The following VPS72 variants were observed in gnomAD, a reference collection of about 807,000 sequenced individuals.
VPS72 encodes vacuolar protein sorting-associated protein 72 homolog.
Under a neutral mutation model 38.9 loss-of-function variants are expected in VPS72, and 27 were observed. The observed-to-expected ratio is 0.69, with a 90% CI of 0.51 to 0.96. The LOEUF is 0.96. Among genes scored for constraint, VPS72 ranks in the 40% least tolerant of loss-of-function variants. The pLI is 0.00. For synonymous variants in VPS72, 173 were observed against 186.3 expected, an observed-to-expected ratio of 0.93 and a Z score of 0.58; for missense variants, 360 against 479.5, an observed-to-expected ratio of 0.75 and a Z score of 2.33.
chr1:151,180,783 C>T (rs587728646), intron 4 of VPS72, among the ~76,000 whole-genome samples: 1 of 152,308 alleles, frequency 6.6e-6, no homozygotes, highest in African/African-American at 2.4e-5. Flanking sequence ...GGAACTCGTG[C>T]TCTGTAATCT....
At chr1:151,187,540 A>G (rs916667743) in intron 1 of VPS72, among the ~76,000 whole-genome samples, 3 of 152,232 alleles carry the variant, frequency 2.0e-5, no homozygotes, top group South Asian at 4.1e-4. Context: ...ACATACTTGC[A>G]CTAAATTAAG....
At chr1:151,178,693 A>C (rs1684171094) in intron 4 of VPS72, among the ~76,000 whole-genome samples, 2 of 150,812 alleles carry the variant, frequency 1.3e-5, no homozygotes, top group South Asian at 4.1e-4. Context: ...GTCGCTCTTA[A>C]ACAACAAGAA....
chr1:151,187,882 T>C (rs992132937), intron 1 of VPS72, among the ~76,000 whole-genome samples: 6 of 152,208 alleles, frequency 3.9e-5, no homozygotes, highest in Non-Finnish European at 8.8e-5. Flanking sequence ...TTGTTTATAT[T>C]GTAAGCCTCC....
chr1:151,188,458 G>A (rs1356657318), intron 1 of VPS72, among the ~76,000 whole-genome samples: 4 of 152,054 alleles, frequency 2.6e-5, no homozygotes, highest in Middle Eastern at 3.2e-3. Context: ...AAATTTCATC[G>A]TGGAATTCTG....
intron 1 of VPS72, among the ~76,000 whole-genome samples, chr1:151,188,104 G>A (rs1463148908): frequency 2.0e-5 from 3 of 151,256 alleles, no homozygotes; most frequent in Non-Finnish European, 4.4e-5. Flanking sequence ...GGGCAGTGGC[G>A]CAATCCACTG....
At chr1:151,179,749 A>T (rs1342632714) in intron 4 of VPS72, among the ~76,000 whole-genome samples, 1 of 151,018 alleles carries the variant, frequency 6.6e-6, no homozygotes, top group African/African-American at 2.4e-5. Context: ...CAAATGAGCC[A>T]GATGTGGTGG....
chr1:151,188,363 AT>A, intron 1 of VPS72, among the ~76,000 whole-genome samples: 1 of 152,172 alleles, frequency 6.6e-6, no homozygotes, highest in South Asian at 2.1e-4. Context: ...CTATTCCTTA[AT>A]TTCTCTTGAA....
intron 4 of VPS72, among the ~76,000 whole-genome samples, chr1:151,182,026 ACTTT>A (rs773961206): frequency 1.7e-4 from 26 of 150,078 alleles, no homozygotes; most frequent in Non-Finnish European, 2.7e-4. Flanking sequence ...GCTAAGCCAC[ACTTT>A]CTTTCTTTTT....
chr1:151,182,697 T>C (rs1368464132), intron 4 of VPS72, among the ~76,000 whole-genome samples: 2 of 152,174 alleles, frequency 1.3e-5, no homozygotes, highest in East Asian at 3.8e-4. Context: ...CTACTAATCA[T>C]CGTCTCAGCA....
Position 151,176,928 on chromosome 1 carries a change from C to T in VPS72, c.811G>A (p.Asp271Asn). ...GGGAACCATTCCTCGAAAGTTGCAT[C>T]ATCACTAAAAGTGATGAAGGTACGT... ...CSRTFITFSDDATFEEWFPQG... is the reference protein window; with the variant it reads ...CSRTFITFSDNATFEEWFPQG... Residue 271 changes from aspartate (D) to asparagine (N), a missense_variant, in exon 6 of 6, where the codon GAT (aspartate) becomes AAT (asparagine). Asp to Asn is a conservative substitution (Grantham distance 23). This residue lies in a region of VPS72 where 294 missense variants were observed against 356.3 expected (regional missense o/e 0.83). Transcript: ENST00000368892. The T allele has an allele frequency of 1.2e-6, 2 of 1,613,860 alleles. No individual in the cohort carries two copies. Among genetic ancestry groups the T allele is most frequent in the Non-Finnish European group, 1.7e-6 (2 of 1,179,868 alleles).
chr1:151,184,440 G>A lies in VPS72; in HGVS notation c.439C>T (p.Arg147Trp). The change falls in exon 4 of 6, where the codon CGG becomes TGG. Residue 147 changes from arginine to tryptophan, a missense_variant. Transcript: ENST00000368892. ...GACTGGCCCTGCCTCTCCTGTACCC[G>A]AAGGAACGTTTGTCGTGTATGCTCA... is the stretch of plus-strand genomic sequence containing the variant. ...TAEHTRQTFL[R>W]VQERQGQSRR... 6.2e-7 allele frequency: 1 copy of A among 1,613,944 alleles called. No homozygotes were observed. Among genetic ancestry groups the A allele is most frequent in the Non-Finnish European group, 8.5e-7 (1 of 1,180,034 alleles).
chr1:151,184,268 T>C, intron 4 of VPS72, 49 bp downstream of exon 4: 1 of 1,587,368 alleles, frequency 6.3e-7, no homozygotes, highest in Non-Finnish European at 8.6e-7. Flanking sequence ...ATGGTTTTTC[T>C]CATGCCCCTC....
chr1:151,179,785 G>A (rs1684199513), intron 4 of VPS72, among the ~76,000 whole-genome samples: 1 of 152,140 alleles, frequency 6.6e-6, no homozygotes. Flanking sequence ...CCAGCTACCG[G>A]GAGGCTGAGG....
chr1:151,189,188 C>G (rs754791671), intron 1 of VPS72, among the ~76,000 whole-genome samples: 9 of 152,176 alleles, frequency 5.9e-5, no homozygotes, highest in Non-Finnish European at 1.2e-4. Context: ...GCAGTTACCC[C>G]ACTGGGGCAT....
intron 3 of VPS72, among the ~76,000 whole-genome samples, chr1:151,185,049 C>T (rs943666212): frequency 1.3e-5 from 2 of 152,068 alleles, no homozygotes; most frequent in Admixed American, 6.5e-5. Context: ...CACATCATGG[C>T]CTTTATCCCT....
At chr1:151,177,321 G>T (rs1303132903) in intron 5 of VPS72, among the ~76,000 whole-genome samples, 1 of 151,118 alleles carries the variant, frequency 6.6e-6, no homozygotes, top group African/African-American at 2.4e-5. Context: ...GGAGGCGGAG[G>T]TTGCATGGAA....
chr1:151,177,535 G>T (rs1366395464), intron 5 of VPS72, among the ~76,000 whole-genome samples: 2 of 152,074 alleles, frequency 1.3e-5, no homozygotes, highest in East Asian at 3.9e-4. Flanking sequence ...AAACAGGAAA[G>T]AGAAGAACAG....
At chr1:151,186,383 ACT>A (rs1684349544) in intron 1 of VPS72, among the ~76,000 whole-genome samples, 1 of 151,948 alleles carries the variant, frequency 6.6e-6, no homozygotes, top group Admixed American at 6.6e-5. Context: ...ACATGGTGAA[ACT>A]CTGTCTCTAC....
chr1:151,185,850 C>T lies in VPS72; in HGVS notation c.218G>A (p.Gly73Glu). ...CTTCCTTCTTGGCTCTTCTGCTTCTCCATCACTGGATGGTTCATCCCCTTC... is the reference window on the plus strand; with the variant it reads ...CTTCCTTCTTGGCTCTTCTGCTTCTTCATCACTGGATGGTTCATCCCCTTC... ...IDEGDEPSSD[G>E]EAEEPRRKRR... The change falls in exon 2 of 6, where the codon GGA becomes GAA. Residue 73 changes from glycine to glutamate, a missense_variant. This residue lies in a region of VPS72 where 66 missense variants were observed against 123.1 expected (regional missense o/e 0.54). Transcript: ENST00000368892. 6.2e-7 allele frequency: 1 copy of T among 1,614,180 alleles called. No homozygotes were observed. The highest frequency in any genetic ancestry group is 1.1e-5 in the South Asian group (1 of 91,086).
Sources: allele counts gnomAD v4.1 joint callset (sites outside exome capture counted in the v4.1 genomes callset), GRCh38; gene constraint gnomAD v4.1.1; regional missense constraint gnomAD v4.1.1; transcripts MANE v1.5; gene names NCBI Gene and HGNC (gene_info 2026-07-23, HGNC 2026-07-21).